REV1: variants seen among roughly 807,000 people sequenced by gnomAD.
REV1 encodes the protein translesion synthesis protein REV1.
A neutral mutation model predicts 137.4 loss-of-function variants in REV1; 42 were observed. The observed-to-expected ratio is 0.31, with a 90% CI of 0.24 to 0.40. The LOEUF is 0.40. Among genes scored for constraint, REV1 ranks in the 10% least tolerant of loss-of-function variants. The pLI, the probability that REV1 is intolerant of heterozygous loss-of-function variation, is 1.00. For synonymous variants in REV1, 524 were observed against 519.2 expected (o/e 1.01, Z -0.12); for missense variants, 1,282 against 1,490.1 (o/e 0.86, Z 2.30).
At chr2:99,474,508 T>C (rs1264408513) in intron 1 of REV1, among the ~76,000 whole-genome samples, 6 of 152,200 alleles carry the variant, frequency 3.9e-5, no homozygotes, top group African/African-American at 4.8e-5. Flanking sequence ...CCAGGTAATC[T>C]AGCAACAGTC....
chr2:99,427,713 G>T (rs1438805650), intron 9 of REV1, among the ~76,000 whole-genome samples: 1 of 151,878 alleles, frequency 6.6e-6, no homozygotes, highest in Non-Finnish European at 1.5e-5. Context: ...ACTTTCACTA[G>T]GAATAGCCTT....
chr2:99,431,767 G>A, intron 8 of REV1: 4 of 985,418 alleles, frequency 4.1e-6, no homozygotes, highest in Non-Finnish European at 3.6e-6. Context: ...CAGAGTGCGT[G>A]GGTCCCTCCA....
At chr2:99,462,724 T>C in intron 2 of REV1, 102 bp from the exon 3 acceptor site, 1 of 1,177,564 alleles carries the variant, frequency 8.5e-7, no homozygotes, top group Non-Finnish European at 1.2e-6. Context: ...ATGGACCTTA[T>C]TCTGTGCTAG....
rs749776931 is a variant in REV1, at chr2:99,455,445, C to T, written c.182-5941G>A. Among the ~76,000 whole-genome samples, 37 of 152,102 alleles carry T rather than the reference C, an allele frequency of 2.4e-4. 2 individuals carry two copies. The highest frequency in any genetic ancestry group is 1.9e-3 in the Admixed American group (29 of 15,270). On this transcript the variant is annotated intron_variant, in intron 3 of 22. Coordinates refer to ENST00000258428, the MANE Select transcript of REV1 (RefSeq NM_016316.4). The stretch of plus-strand genomic sequence containing the variant: ...CAGAGTCACCACAATCAACTAAAAG[C>T]CACGGATACACTCAACCAAACAAAA...
chr2:99,426,563 G>A (rs141880066), intron 9 of REV1, among the ~76,000 whole-genome samples: 2 of 152,192 alleles, frequency 1.3e-5, no homozygotes, highest in Admixed American at 6.5e-5. Context: ...AACAAAAAAC[G>A]AAAACCTTTT....
At chr2:99,468,374 G>C (rs1306210897) in intron 1 of REV1, among the ~76,000 whole-genome samples, 3 of 152,102 alleles carry the variant, frequency 2.0e-5, no homozygotes, top group African/African-American at 7.2e-5. Context: ...CATTTAATCA[G>C]GATACCACTA....
intron 1 of REV1, 127 bp downstream of exon 1, chr2:99,489,690 C>G (rs1438355909): frequency 2.0e-5 from 3 of 149,516 alleles, no homozygotes; most frequent in African/African-American, 4.9e-5. Context: ...GGCGACGCAC[C>G]CCTCCCCCGC....
intron 15 of REV1, chr2:99,406,933 C>G (rs937652740): frequency 2.0e-5 from 3 of 152,332 alleles, no homozygotes; most frequent in Non-Finnish European, 4.4e-5. Context: ...CACTGCAGAC[C>G]CCTCCATAAA....
Position 99,410,816 on chromosome 2 carries a change from T to G in REV1, c.2224A>C (p.Arg742=), listed in dbSNP as rs367768255. Residue 742 remains arginine (R), a synonymous_variant, in exon 14 of 23, where the codon AGA becomes CGA. Transcript: ENST00000258428. ...LLSLSEEIQR[R]LEATGMKGKR... ...CCCTTCATGCCAGTGGCTTCTAGTC[T>G]TCTTTGAATTTCTTCTGAAAGACTC... 1.6e-5 allele frequency: 26 copies of G among 1,603,104 alleles called. No individual in the cohort carries two copies. In the East Asian group the frequency reaches 2.5e-4, roughly 15 times the overall value.
At chr2:99,420,317 G>GTA (rs771345892) in intron 11 of REV1, among the ~76,000 whole-genome samples, 17 of 152,156 alleles carry the variant, frequency 1.1e-4, no homozygotes, top group Non-Finnish European at 2.1e-4. Context: ...CCTAAAGACA[G>GTA]TAAACCTCTT....
chr2:99,485,523 T>C (rs1417293527), intron 1 of REV1, among the ~76,000 whole-genome samples: 1 of 152,228 alleles, frequency 6.6e-6, no homozygotes, highest in Non-Finnish European at 1.5e-5. Flanking sequence ...AGGACTTTCC[T>C]GTCTGAAGAC....
chr2:99,480,079 G>A (rs182589693), intron 1 of REV1, among the ~76,000 whole-genome samples: 6 of 152,270 alleles, frequency 3.9e-5, no homozygotes, highest in African/African-American at 9.6e-5. Context: ...AGCACTTTGC[G>A]GGGTTACGGC....
intron 4 of REV1, among the ~76,000 whole-genome samples, chr2:99,446,715 GA>G (rs1682268675): frequency 6.6e-6 from 1 of 152,014 alleles, no homozygotes; most frequent in Non-Finnish European, 1.5e-5. Context: ...GGCTGGTCTT[GA>G]ACTCCTGACC....
In REV1 at chr2:99,421,653, G is replaced by A; in HGVS notation, c.1677C>T (p.Ser559=). The A allele has an allele frequency of 1.2e-6, 2 of 1,613,292 alleles. No homozygotes were observed. Among genetic ancestry groups the A allele is most frequent in the South Asian group, 1.1e-5 (1 of 90,962 alleles). Residue 559 remains serine, a splice_region_variant and synonymous_variant, in exon 11 of 23, where the codon AGC becomes AGT. Transcript: ENST00000258428. The stretch of plus-strand genomic sequence containing the variant: ...TGACAGCTTCAATGTTATGAGTGTA[G>A]CTATCAACACAGAGCAAAGGCAACG... ...VAQTLYETLA[S]YTHNIEAVSC... is the part of the protein sequence containing the mutation.
intron 8 of REV1, among the ~76,000 whole-genome samples, chr2:99,431,158 T>C (rs1455199131): frequency 6.6e-6 from 1 of 152,178 alleles, no homozygotes; most frequent in Admixed American, 6.6e-5. Context: ...GCATCTTTCA[T>C]CTAACTATGC....
At position 99,401,354 on chromosome 2, in the gene REV1, TA is replaced by T. The variant is rs1410644386; in HGVS notation, c.3645-3del. ...GATTCCACCGATTGCTGCATCAGCC[TA>T]AAGGTGGGGAGAGAAGAAATGTCAT... On this transcript the variant is annotated splice_region_variant and splice_polypyrimidine_tract_variant and intron_variant, in intron 22 of 22. Transcript: ENST00000258428. 6.9e-6 allele frequency: 11 copies of T among 1,599,458 alleles called. No individual in the cohort carries two copies. Among genetic ancestry groups the T allele is most frequent in the Non-Finnish European group, 9.4e-6 (11 of 1,167,738 alleles).
At chr2:99,404,336 GA>G in intron 18 of REV1, 107 bp downstream of exon 18, 1 of 847,816 alleles carries the variant, frequency 1.2e-6, no homozygotes, top group Non-Finnish European at 1.9e-6. Flanking sequence ...CTCCCCAGTG[GA>G]TGTGGTGTCA....
At chr2:99,403,535 T>G in intron 19 of REV1, 160 bp downstream of exon 19, 4 of 858,206 alleles carry the variant, frequency 4.7e-6, no homozygotes, top group Non-Finnish European at 7.1e-6. Context: ...AGAAATATGA[T>G]GATATTTACT....
chr2:99,407,958 T>C (rs1160970707), intron 15 of REV1, 71 bp downstream of exon 15: 3 of 931,908 alleles, frequency 3.2e-6, no homozygotes, highest in Non-Finnish European at 4.8e-6. Context: ...AATAACCCTT[T>C]TGAGAGCAAG....
Sources: allele counts gnomAD v4.1 joint callset (sites outside exome capture counted in the v4.1 genomes callset), GRCh38; gene constraint gnomAD v4.1.1; transcripts MANE v1.5; gene names NCBI Gene and HGNC (gene_info 2026-07-23, HGNC 2026-07-21).